The following GLI2 variants were observed in gnomAD, a reference collection of about 807,000 sequenced individuals.
The protein encoded by GLI2 is transcription activator GLI2.
In GLI2, 22 loss-of-function variants were observed where a neutral mutation model predicts 78.9. That is an observed-to-expected ratio of 0.28 (90% confidence interval 0.20 to 0.40). The LOEUF (loss-of-function observed/expected upper bound fraction) is 0.40. Among genes scored for constraint, GLI2 ranks in the 10% least tolerant of loss-of-function variants. GLI2 has a pLI of 1.00. For missense variants in GLI2, 2,097 were observed against 2,213.2 expected, an observed-to-expected ratio of 0.95 and a Z score of 1.05; for synonymous variants, 974 against 963.7, an observed-to-expected ratio of 1.01 and a Z score of -0.20.
intron 1 of GLI2, among the ~76,000 whole-genome samples, chr2:120,777,563 T>TG (rs1406483688): frequency 2.7e-5 from 4 of 149,532 alleles, no homozygotes; most frequent in Non-Finnish European, 4.4e-5. Flanking sequence ...AGGAAAGCTT[T>TG]GGGGGGTCTC....
At position 120,832,483 on chromosome 2, in the gene GLI2, A is replaced by C. The variant is rs1459583178; in HGVS notation, c.148+35015A>C. Among the ~76,000 whole-genome samples the C allele has an allele frequency of 4.8e-5, 7 of 146,152 alleles. No individual in the cohort carries two copies. The East Asian group carries it at 1.4e-3, about 30-fold the overall frequency. ...GCCTGAGCCTGGGCACTGGTCAGTC[A>C]TCCCTGTGTGGCGGAGAACTCTAAA... On this transcript the variant is annotated intron_variant, in intron 2 of 13. Transcript: ENST00000361492.
chr2:120,951,596 A>T, intron 4 of GLI2, 151 bp downstream of exon 4: 1 of 591,596 alleles, frequency 1.7e-6, no homozygotes, highest in East Asian at 2.8e-5. Flanking sequence ...ACTTCCAAAC[A>T]ACAAGTTTTT....
Position 120,986,539 on chromosome 2 carries a change from C to T in GLI2, c.2167C>T (p.Leu723Phe). 1 of 1,614,176 alleles carries T rather than the reference C, an allele frequency of 6.2e-7. No individual in the cohort carries two copies. Among genetic ancestry groups the T allele is most frequent in the South Asian group, 1.1e-5 (1 of 91,084 alleles). ...GCTCAAGAAGGAGAAGCTCAAGTCA[C>T]TCAAGGATTCCTGCTCATGGGCCGG... ...EQLKKEKLKS[L>F]KDSCSWAGPT... Residue 723 changes from leucine to phenylalanine, a missense_variant, in exon 13 of 14, where the codon CTC becomes TTC. Transcript: ENST00000361492.
At chr2:120,971,596 C>T (rs2243855) in intron 7 of GLI2, among the ~76,000 whole-genome samples, 119,970 of 152,142 alleles carry the variant, frequency 0.79, 52,043 homozygotes, top group East Asian at 1. Context: ...TGTTCTCAGA[C>T]CCACAGTGTC....
chr2:120,783,036 G>A (rs1683892355), intron 1 of GLI2, among the ~76,000 whole-genome samples: 1 of 152,114 alleles, frequency 6.6e-6, no homozygotes, highest in Admixed American at 6.5e-5. Flanking sequence ...GGGGGAAGGA[G>A]CAAGCAGCAC....
intron 2 of GLI2, among the ~76,000 whole-genome samples, chr2:120,803,357 G>A (rs957436183): frequency 9.1e-6 from 1 of 109,926 alleles, no homozygotes; most frequent in South Asian, 4.0e-4. Flanking sequence ...TTCGAAAAGT[G>A]TTGGGCACAG....
intron 2 of GLI2, among the ~76,000 whole-genome samples, chr2:120,868,162 C>T (rs1405140847): frequency 6.6e-6 from 1 of 152,220 alleles, no homozygotes; most frequent in Non-Finnish European, 1.5e-5. Flanking sequence ...CAATTCCCCG[C>T]GGTTTGAGCT....
At chr2:120,788,317 GA>G (rs902976479) in intron 1 of GLI2, among the ~76,000 whole-genome samples, 54 of 152,220 alleles carry the variant, frequency 3.5e-4, no homozygotes, top group African/African-American at 1.3e-3. Context: ...AGGACTCTGG[GA>G]AGGAGGGTGT....
intron 1 of GLI2, among the ~76,000 whole-genome samples, chr2:120,743,266 G>A (rs939140208): frequency 6.6e-6 from 1 of 152,128 alleles, no homozygotes; most frequent in Non-Finnish European, 1.5e-5. Context: ...AAGGGTAAAG[G>A]GCTCTGATGT....
intron 2 of GLI2, among the ~76,000 whole-genome samples, chr2:120,874,630 C>T (rs1558848588): frequency 6.6e-6 from 1 of 152,200 alleles, no homozygotes; most frequent in Non-Finnish European, 1.5e-5. Context: ...TGTTTATGGT[C>T]TCTCGGCATG....
intron 2 of GLI2, among the ~76,000 whole-genome samples, chr2:120,904,544 C>T (rs555259575): frequency 6.6e-6 from 1 of 152,274 alleles, no homozygotes; most frequent in East Asian, 1.9e-4. Context: ...CATGTGTGAG[C>T]CATGGAGCGG....
At chr2:120,847,080 C>T (rs1054783801) in intron 2 of GLI2, among the ~76,000 whole-genome samples, 1 of 151,770 alleles carries the variant, frequency 6.6e-6, no homozygotes, top group Non-Finnish European at 1.5e-5. Flanking sequence ...GGGGGCTCTG[C>T]GTCTGAAACA....
intron 2 of GLI2, among the ~76,000 whole-genome samples, chr2:120,849,347 T>A (rs1313771834): frequency 6.6e-6 from 1 of 152,218 alleles, no homozygotes; most frequent in African/African-American, 2.4e-5. Flanking sequence ...ACCATCATTT[T>A]AAAAAAATTA....
At chr2:120,895,861 T>G (rs1026116347) in intron 2 of GLI2, among the ~76,000 whole-genome samples, 31 of 152,226 alleles carry the variant, frequency 2.0e-4, no homozygotes, top group Admixed American at 1.8e-3. Flanking sequence ...AAAGGAAAGG[T>G]TTGAGCCCAC....
chr2:120,960,119 G>T (rs148068549), intron 5 of GLI2, among the ~76,000 whole-genome samples: 1 of 152,152 alleles, frequency 6.6e-6, no homozygotes, highest in Non-Finnish European at 1.5e-5. Context: ...TACCAGGCTC[G>T]GTTCTAGGTC....
intron 7 of GLI2, among the ~76,000 whole-genome samples, 176 bp from the exon 8 acceptor site, chr2:120,971,765 G>A (rs1256639117): frequency 2.6e-5 from 4 of 152,212 alleles, no homozygotes; most frequent in Non-Finnish European, 5.9e-5. Flanking sequence ...GTGCTCTCCT[G>A]TAGCAGGACA....
intron 2 of GLI2, among the ~76,000 whole-genome samples, chr2:120,914,392 C>A (rs1433572368): frequency 6.6e-6 from 1 of 152,236 alleles, no homozygotes; most frequent in East Asian, 1.9e-4. Context: ...TGCAAGGTGC[C>A]AGGGTCCCTG....
chr2:120,767,423 GGA>G (rs1683397121), intron 1 of GLI2, among the ~76,000 whole-genome samples: 1 of 152,178 alleles, frequency 6.6e-6, no homozygotes, highest in Non-Finnish European at 1.5e-5. Context: ...CGGCCTCTGA[GGA>G]GCCAAGCTCC....
chr2:120,981,393 C>T (rs1444171688), intron 10 of GLI2, among the ~76,000 whole-genome samples: 3 of 152,190 alleles, frequency 2.0e-5, no homozygotes, highest in Non-Finnish European at 4.4e-5. Flanking sequence ...CTCTTTATGT[C>T]AGTACCACAT....
Sources: allele counts gnomAD v4.1 joint callset (sites outside exome capture counted in the v4.1 genomes callset), GRCh38; gene constraint gnomAD v4.1.1; transcripts MANE v1.5; gene names NCBI Gene and HGNC (gene_info 2026-07-23, HGNC 2026-07-21).